ATG7: variants seen among roughly 807,000 people sequenced by gnomAD.
ATG7 encodes the protein autophagy related 7, also known as ubiquitin-like modifier-activating enzyme ATG7.
Under a neutral mutation model 82.4 loss-of-function variants are expected in ATG7, and 70 were observed. That is an observed-to-expected ratio of 0.85 (90% CI 0.70 to 1.04). The LOEUF (loss-of-function observed/expected upper bound fraction) is 1.04, where lower values mean the gene tolerates loss of function less well. Among genes scored for constraint, ATG7 ranks in the 50% least tolerant of loss-of-function variants. The pLI is 0.00. For missense variants in ATG7, 792 were observed against 864.3 expected (o/e 0.92, Z 1.05); for synonymous variants, 287 against 313.0 (o/e 0.92, Z 0.88).
chr3:11,333,068 G>A lies in ATG7; in HGVS notation c.864G>A (p.Lys288=). The change falls in exon 11 of 21, where the codon AAG becomes AAA. Residue 288 remains lysine (K), a synonymous_variant. Coordinates refer to ENST00000693202, the MANE Select transcript of ATG7 (RefSeq NM_001349232.2). The part of the protein sequence containing the change: ...DVAHSIIFEV[K]LPEMAFSPDC... ...CCCACAGCATCATCTTCGAAGTGAA[G>A]CTTCCAGAAATGGCATTTAGCCCAG... 1 of 1,565,134 alleles carries A rather than the reference G, an allele frequency of 6.4e-7. No homozygotes were observed. The highest frequency in any genetic ancestry group is 1.2e-5 in the South Asian group (1 of 83,402).
chr3:11,289,139 A>T (rs1252298325), intron 3 of ATG7, among the ~76,000 whole-genome samples: 7 of 152,216 alleles, frequency 4.6e-5, no homozygotes, highest in Non-Finnish European at 1.0e-4. Context: ...TTGAAGTGTG[A>T]TAGAAACAAT....
At chr3:11,468,097 A>AG (rs2087023341) in intron 20 of ATG7, among the ~76,000 whole-genome samples, 2 of 152,234 alleles carry the variant, frequency 1.3e-5, no homozygotes, top group Admixed American at 6.5e-5. Flanking sequence ...GACAGGCAGA[A>AG]GTCTGAGTCA....
At chr3:11,543,097 A>G (rs1013946012) in intron 20 of ATG7, among the ~76,000 whole-genome samples, 7 of 151,962 alleles carry the variant, frequency 4.6e-5, no homozygotes, top group South Asian at 2.1e-4. Context: ...AACCGACCCC[A>G]CGGTGCAGGA....
intron 14 of ATG7, among the ~76,000 whole-genome samples, chr3:11,357,794 G>C (rs528550067): frequency 5.3e-5 from 8 of 152,054 alleles, no homozygotes; most frequent in East Asian, 3.9e-4. Context: ...AGGATTCCTT[G>C]AGCCAAGGAG....
rs1575133132 is a variant in ATG7, at chr3:11,282,451, A to G, written c.-11+13A>G. 6.6e-6 allele frequency: 1 copy of G among 152,166 alleles called. No individual in the cohort carries two copies. Among genetic ancestry groups the G allele is most frequent in the Non-Finnish European group, 1.5e-5 (1 of 68,016 alleles). 9.4% of individuals were successfully genotyped at this position (152,166 alleles called of 1,614,324 possible). A position where few individuals can be genotyped will look rare whatever the true frequency, so the allele number is the denominator to read the frequency against. On this transcript the variant is annotated intron_variant, in intron 3 of 20. Coordinates refer to ENST00000693202, the MANE Select transcript of ATG7 (RefSeq NM_001349232.2). The stretch of plus-strand genomic sequence containing the variant: ...AGTTGGCTTGGAGGTGAGGAGGACA[A>G]CTCACCCATCATAGCAATTTTCCTA...
intron 20 of ATG7, among the ~76,000 whole-genome samples, chr3:11,533,024 A>G (rs572207857): frequency 4.3e-4 from 65 of 152,314 alleles, no homozygotes; most frequent in African/African-American, 1.5e-3. Context: ...AGGAGAAGCA[A>G]GCCCCAGCCT....
At chr3:11,407,746 G>A (rs546507789) in intron 19 of ATG7, among the ~76,000 whole-genome samples, 1 of 152,356 alleles carries the variant, frequency 6.6e-6, no homozygotes, top group South Asian at 2.1e-4. Context: ...GCCATGGCAT[G>A]AACTCTGTGT....
intron 20 of ATG7, among the ~76,000 whole-genome samples, chr3:11,547,852 TTTTTG>T (rs745374289): frequency 1.1e-4 from 16 of 152,198 alleles, no homozygotes; most frequent in South Asian, 4.1e-4. Context: ...TTTGCCCCTT[TTTTTG>T]TTTTGTTTTG....
chr3:11,410,006 A>G (rs948455336), intron 19 of ATG7, among the ~76,000 whole-genome samples: 1 of 152,076 alleles, frequency 6.6e-6, no homozygotes, highest in Admixed American at 6.5e-5. Context: ...GGTAGTGTCA[A>G]TCCTCCAACT....
chr3:11,376,573 T>A (rs1445790880), intron 18 of ATG7, among the ~76,000 whole-genome samples: 3 of 151,966 alleles, frequency 2.0e-5, no homozygotes, highest in African/African-American at 7.3e-5. Context: ...TGAGGCAAGC[T>A]CAGGAAATCA....
At chr3:11,302,296 T>A (rs1946902825) in intron 5 of ATG7, among the ~76,000 whole-genome samples, 1 of 152,260 alleles carries the variant, frequency 6.6e-6, no homozygotes. Flanking sequence ...GTTTTAAAAG[T>A]CTGTCACTTT....
the ATG7 span, among the ~76,000 whole-genome samples, chr3:11,567,515 C>T: frequency 2.6e-5 from 4 of 152,306 alleles, no homozygotes; most frequent in South Asian, 6.2e-4. Context: ...GTTCCATCCA[C>T]GCCACACACA....
intron 3 of ATG7, among the ~76,000 whole-genome samples, chr3:11,297,778 G>T (rs1946186167): frequency 6.6e-6 from 1 of 152,154 alleles, no homozygotes; most frequent in African/African-American, 2.4e-5. Context: ...CTCTCAGACA[G>T]AATTCTGACA....
chr3:11,475,043 T>G (rs1185809936), intron 20 of ATG7, among the ~76,000 whole-genome samples: 1 of 151,918 alleles, frequency 6.6e-6, no homozygotes, highest in Non-Finnish European at 1.5e-5. Context: ...TTTTTTTTTT[T>G]TAAATCCTGG....
At chr3:11,497,529 C>A (rs1202391259) in intron 20 of ATG7, among the ~76,000 whole-genome samples, 6 of 134,288 alleles carry the variant, frequency 4.5e-5, no homozygotes, top group African/African-American at 1.7e-4. Context: ...GAGCGAGACT[C>A]CACCAAAAAA....
chr3:11,299,259 G>C, intron 4 of ATG7, 103 bp from the exon 5 acceptor site: 1 of 1,125,080 alleles, frequency 8.9e-7, no homozygotes, highest in South Asian at 1.3e-5. Flanking sequence ...TGGATGGGGC[G>C]CCTTGGGCTC....
intron 19 of ATG7, among the ~76,000 whole-genome samples, chr3:11,387,970 C>CAA (rs2078445417): frequency 6.6e-6 from 1 of 152,016 alleles, no homozygotes; most frequent in Non-Finnish European, 1.5e-5. Context: ...AGAAAAAATG[C>CAA]AAAGCCACAC....
chr3:11,431,056 A>G (rs899588513), intron 20 of ATG7, among the ~76,000 whole-genome samples: 4 of 152,216 alleles, frequency 2.6e-5, no homozygotes, highest in Non-Finnish European at 5.9e-5. Flanking sequence ...TGAAGTCAAC[A>G]TAATGTTTTT....
In ATG7 at chr3:11,551,566, A is replaced by C. The variant is rs2071784632; in HGVS notation, c.2080-3245A>C. On this transcript the variant is annotated intron_variant, in intron 20 of 20. Transcript: ENST00000693202. ...ATGTTAGGTTTATTCCCATGTGTTT[A>C]GCTTTTTCACTGCTTTTATAATTTT... Among the ~76,000 whole-genome samples the C allele has an allele frequency of 3.3e-5, 5 of 152,192 alleles. 1 individual carries two copies. The South Asian group carries it at 1.0e-3, about 32-fold the overall frequency.
Sources: allele counts gnomAD v4.1 joint callset (sites outside exome capture counted in the v4.1 genomes callset), GRCh38; gene constraint gnomAD v4.1.1; transcripts MANE v1.5; gene names NCBI Gene and HGNC (gene_info 2026-07-23, HGNC 2026-07-21).